Variants in TTC4 observed in about 807,000 individuals in gnomAD.
The protein encoded by TTC4 is hsp70/Hsp90 co-chaperone CNS1 homolog.
Under a neutral mutation model 51.9 loss-of-function variants are expected in TTC4, and 36 were observed. The ratio of observed to expected loss-of-function variants is 0.69; its 90% CI spans 0.53 to 0.92. TTC4 has a LOEUF of 0.92. TTC4 is among the 40% of genes least tolerant of loss of function. The pLI is 0.00. For missense variants in TTC4, 399 were observed against 454.6 expected (o/e 0.88, Z 1.11); for synonymous variants, 144 against 164.2 (o/e 0.88, Z 0.94).
chr1:54,717,685 T>G, intron 3 of TTC4, 32 bp downstream of exon 3: 1 of 1,489,330 alleles, frequency 6.7e-7, no homozygotes, highest in Non-Finnish European at 8.9e-7. Flanking sequence ...AAGAATAAAC[T>G]TATGATACAA....
chr1:54,722,825 GCA>G lies in TTC4; in HGVS notation c.594+27_594+28del, dbSNP rs1322947157. 2.6e-6 allele frequency: 4 copies of G among 1,565,508 alleles called. No homozygotes were observed. In the South Asian group the frequency reaches 5.4e-5, roughly 21 times the overall value. On this transcript the variant is annotated intron_variant, in intron 5 of 9. Coordinates refer to ENST00000371281, the MANE Select transcript of TTC4 (RefSeq NM_004623.5). ...GTTGGTGACTGTCAGCAACCAATTA[GCA>G]TTTGCTAATTAGCAGTAATTAGCAT...
intron 3 of TTC4, among the ~76,000 whole-genome samples, chr1:54,718,716 T>C (rs937512104): frequency 3.3e-5 from 5 of 152,220 alleles, no homozygotes; most frequent in African/African-American, 1.2e-4. Context: ...AGTCGTAAAT[T>C]TGGGAAATGA....
At chr1:54,739,283 A>G (rs1041947334) in intron 9 of TTC4, among the ~76,000 whole-genome samples, 48 of 152,244 alleles carry the variant, frequency 3.2e-4, no homozygotes, top group African/African-American at 8.9e-4. Context: ...GGTAGCTGGA[A>G]TATCAAGTGC....
intron 1 of TTC4, 45 bp from the exon 2 acceptor site, chr1:54,716,555 C>A: frequency 6.8e-7 from 1 of 1,475,954 alleles, no homozygotes; most frequent in Non-Finnish European, 9.3e-7. Flanking sequence ...TGGATCTGCT[C>A]AGTAGAAAAG....
intron 1 of TTC4, among the ~76,000 whole-genome samples, 183 bp from the exon 2 acceptor site, chr1:54,716,417 A>G (rs968900013): frequency 5.3e-5 from 8 of 152,236 alleles, no homozygotes; most frequent in African/African-American, 1.9e-4. Context: ...AACTAAAACA[A>G]TCATTAGAGA....
chr1:54,731,732 G>A, intron 7 of TTC4, 32 bp downstream of exon 7: 2 of 1,596,410 alleles, frequency 1.3e-6, no homozygotes, highest in South Asian at 2.2e-5. Flanking sequence ...CTCTGCTTTT[G>A]CTTGCATGCT....
At chr1:54,719,916 A>T (rs1183550639) in intron 3 of TTC4, among the ~76,000 whole-genome samples, 5 of 134,062 alleles carry the variant, frequency 3.7e-5, no homozygotes, top group African/African-American at 8.6e-5. Flanking sequence ...TTTTTTTTTT[A>T]AAGTGACAGG....
chr1:54,728,877 T>G (rs746357373), intron 6 of TTC4, among the ~76,000 whole-genome samples: 3 of 152,242 alleles, frequency 2.0e-5, no homozygotes, highest in Non-Finnish European at 4.4e-5. Context: ...TAGCATGAAT[T>G]TCTTTTTCCT....
intron 6 of TTC4, among the ~76,000 whole-genome samples, chr1:54,729,130 T>C (rs142575379): frequency 1.5e-3 from 228 of 152,302 alleles, no homozygotes; most frequent in African/African-American, 5.0e-3. Context: ...ATCTGATCAT[T>C]GAGATGGGTG....
At position 54,741,487 on chromosome 1, in the gene TTC4, G is replaced by A. The variant is rs773255872; in HGVS notation, c.1138G>A (p.Gly380Arg). 1.2e-6 allele frequency: 2 copies of A among 1,614,086 alleles called. No homozygotes were observed. Among genetic ancestry groups the A allele is most frequent in the East Asian group, 4.5e-5 (2 of 44,870 alleles). ...TCCTTTTTGCAAGAATTTTCTCCGGGGGAGAAAGGTGTACCAGATACGATG... is the reference window on the plus strand; with the variant it reads ...TCCTTTTTGCAAGAATTTTCTCCGGAGGAGAAAGGTGTACCAGATACGATG... Reference protein sequence around the residue: ...SSPFCKNFLRGRKVYQIR With the variant: ...SSPFCKNFLRRRKVYQIR The change falls in exon 10 of 10, where the codon GGG (glycine) becomes AGG (arginine). Residue 380 changes from glycine (G) to arginine (R), a missense_variant. Physicochemically the swap from Gly to Arg is moderately radical, Grantham distance 125. Coordinates refer to ENST00000371281, the MANE Select transcript of TTC4 (RefSeq NM_004623.5).
Position 54,741,884 on chromosome 1 carries a change from A to ATGTTACG in TTC4, c.*371_*372insTGTTACG. The ATGTTACG allele has an allele frequency of 4.1e-6, 1 of 242,284 alleles. No individual in the cohort carries two copies. Among genetic ancestry groups the ATGTTACG allele is most frequent in the Non-Finnish European group, 7.9e-6 (1 of 126,426 alleles). 15.0% of individuals were successfully genotyped at this position (242,284 alleles called of 1,614,324 possible). On this transcript the variant is annotated 3_prime_UTR_variant, in exon 10 of 10. Coordinates refer to ENST00000371281, the MANE Select transcript of TTC4 (RefSeq NM_004623.5). ...TTTGTGGAGTTTGACACCTTAGAGAAGCTACCCCTCAAACTGCACATCTAC... is the reference window on the plus strand; with the variant it reads ...TTTGTGGAGTTTGACACCTTAGAGAATGTTACGGCTACCCCTCAAACTGCACATCTAC...
chr1:54,727,146 G>A (rs1645810077), intron 5 of TTC4, among the ~76,000 whole-genome samples: 1 of 151,902 alleles, frequency 6.6e-6, no homozygotes, highest in South Asian at 2.1e-4. Context: ...TTGTGGTACT[G>A]GCATAACAAT....
chr1:54,719,116 T>C (rs58661459), intron 3 of TTC4, among the ~76,000 whole-genome samples: 14,062 of 152,216 alleles, frequency 0.092, 923 homozygotes, highest in South Asian at 0.19. Flanking sequence ...TCCAGAGACC[T>C]ACTGTTTTAT....
At position 54,737,562 on chromosome 1, in the gene TTC4, C is replaced by T. The variant is rs759395284; in HGVS notation, c.979-20C>T. 6 of 1,612,024 alleles carry T rather than the reference C, an allele frequency of 3.7e-6. No homozygotes were observed. The South Asian group carries it at 5.5e-5, about 15-fold the overall frequency. ...CCGAAGCCTTTATCTCTGACTCTTG[C>T]CCTTCTGTTAATCTTGCAGGTCTAC... On this transcript the variant is annotated intron_variant, in intron 8 of 9. Transcript: ENST00000371281.
intron 8 of TTC4, among the ~76,000 whole-genome samples, chr1:54,734,579 G>A (rs559525851): frequency 4.2e-4 from 64 of 151,858 alleles, no homozygotes; most frequent in African/African-American, 1.5e-3. Context: ...TAGTAGAGAT[G>A]GGGTTTTGCT....
chr1:54,720,092 G>A (rs1645725331), intron 3 of TTC4, among the ~76,000 whole-genome samples: 1 of 152,002 alleles, frequency 6.6e-6, no homozygotes, highest in Admixed American at 6.6e-5. Flanking sequence ...TGTAGAGAGA[G>A]AGTCTTGCTA....
intron 5 of TTC4, among the ~76,000 whole-genome samples, chr1:54,726,457 T>TA (rs1645800676): frequency 6.6e-6 from 1 of 152,126 alleles, no homozygotes; most frequent in South Asian, 2.1e-4. Flanking sequence ...AGGGATCCAC[T>TA]AAAAAACTCT....
chr1:54,736,268 G>GTGTGTGTGTGTGTA (rs1557753179), intron 8 of TTC4, among the ~76,000 whole-genome samples: 1 of 117,980 alleles, frequency 8.5e-6, no homozygotes, highest in African/African-American at 4.2e-5. Context: ...GAGAGAGAGA[G>GTGTGTGTGTGTGTA]AGACCATGAA....
At chr1:54,727,171 ATG>A (rs1321273401) in intron 5 of TTC4, among the ~76,000 whole-genome samples, 1 of 152,206 alleles carries the variant, frequency 6.6e-6, no homozygotes, top group Non-Finnish European at 1.5e-5. Context: ...ATATAGGTCA[ATG>A]TAATAAAATT....
Sources: gnomAD v4.1 joint callset for allele counts (sites outside exome capture counted in the v4.1 genomes callset) on GRCh38, gnomAD v4.1.1 for gene constraint, MANE v1.5 for transcripts, NCBI Gene and HGNC (gene_info 2026-07-23, HGNC 2026-07-21) for gene names.